RPS6KA2: variants seen among roughly 807,000 people sequenced by gnomAD.
RPS6KA2 encodes ribosomal protein S6 kinase A2, also known as ribosomal protein S6 kinase alpha-2.
A neutral mutation model predicts 91.8 loss-of-function variants in RPS6KA2; 42 were observed. That is an observed-to-expected ratio of 0.46 (90% CI 0.36 to 0.59). The LOEUF (loss-of-function observed/expected upper bound fraction) is 0.59, where lower values mean the gene tolerates loss of function less well. Among genes scored for constraint, RPS6KA2 ranks in the 20% least tolerant of loss-of-function variants. RPS6KA2 has a pLI of 0.00. For synonymous variants in RPS6KA2, 414 were observed against 393.6 expected (o/e 1.05, Z -0.61); for missense variants, 798 against 978.5 (o/e 0.82, Z 2.46).
chr6:166,755,219 C>T (rs1187388888), intron 2 of RPS6KA2, among the ~76,000 whole-genome samples: 1 of 152,188 alleles, frequency 6.6e-6, no homozygotes, highest in Non-Finnish European at 1.5e-5. Context: ...CTTCCAAGGG[C>T]AGCTTGCTGG....
chr6:166,559,985 C>T (rs1784292316), intron 1 of RPS6KA2, among the ~76,000 whole-genome samples: 1 of 152,204 alleles, frequency 6.6e-6, no homozygotes, highest in Admixed American at 6.5e-5. Flanking sequence ...AAAACATACA[C>T]ATGTGAACTT....
At chr6:166,591,591 T>A (rs1053837396) in intron 1 of RPS6KA2, among the ~76,000 whole-genome samples, 5 of 151,748 alleles carry the variant, frequency 3.3e-5, no homozygotes, top group African/African-American at 1.2e-4. Flanking sequence ...GGCCCTGAGA[T>A]GATGGAGGCA....
At chr6:166,765,657 G>A (rs1286413574) in intron 2 of RPS6KA2, among the ~76,000 whole-genome samples, 1 of 152,210 alleles carries the variant, frequency 6.6e-6, no homozygotes, top group Non-Finnish European at 1.5e-5. Flanking sequence ...GGTGTAAGAT[G>A]TGGAGCTGGC....
intron 1 of RPS6KA2, among the ~76,000 whole-genome samples, chr6:166,611,921 C>T (rs917570394): frequency 2.0e-5 from 3 of 152,222 alleles, no homozygotes; most frequent in African/African-American, 7.2e-5. Context: ...GTAGGGCACA[C>T]ACGCCCAGGA....
intron 3 of RPS6KA2, among the ~76,000 whole-genome samples, chr6:166,513,841 T>C (rs1782551259): frequency 6.6e-6 from 1 of 152,266 alleles, no homozygotes; most frequent in African/African-American, 2.4e-5. Flanking sequence ...CCCCTGGCTA[T>C]GATTTTCTCT....
rs189690991 is a variant in RPS6KA2 at position 166,617,227 on chromosome 6, A to C, written c.99+9694T>G. On this transcript the variant is annotated intron_variant, in intron 1 of 20. Coordinates refer to ENST00000265678, the MANE Select transcript of RPS6KA2 (RefSeq NM_021135.6). ...CCTATTCTAGAAGCAACAGCTTTTA[A>C]AACAAACATCCTTATTGACTTTTCC... is the stretch of plus-strand genomic sequence containing the variant. 3.3e-3 allele frequency among the ~76,000 whole-genome samples: 507 copies of C among 152,368 alleles called. 1 individual carries two copies. Among genetic ancestry groups the C allele is most frequent in the Non-Finnish European group, 4.9e-3 (332 of 68,030 alleles).
intron 1 of RPS6KA2, among the ~76,000 whole-genome samples, chr6:166,580,933 A>C (rs1784989515): frequency 6.6e-6 from 1 of 152,170 alleles, no homozygotes; most frequent in African/African-American, 2.4e-5. Flanking sequence ...ACGAAGTCTC[A>C]TTCTGTTGCC....
At chr6:166,735,122 T>C (rs1331541144) in intron 2 of RPS6KA2, among the ~76,000 whole-genome samples, 4 of 152,222 alleles carry the variant, frequency 2.6e-5, no homozygotes, top group Non-Finnish European at 5.9e-5. Flanking sequence ...GTGTCCATGC[T>C]GGAGAAGCTT....
intron 12 of RPS6KA2, among the ~76,000 whole-genome samples, chr6:166,458,515 C>A (rs943222233): frequency 1.3e-5 from 2 of 152,142 alleles, no homozygotes; most frequent in African/African-American, 4.8e-5. Context: ...AGTGTGAAAA[C>A]AGACTAATAC....
At chr6:166,602,462 C>T (rs543071990) in intron 1 of RPS6KA2, among the ~76,000 whole-genome samples, 2 of 152,298 alleles carry the variant, frequency 1.3e-5, no homozygotes, top group Admixed American at 1.3e-4. Flanking sequence ...AAGGAAACAA[C>T]AAGCATCCAG....
intron 3 of RPS6KA2, 145 bp downstream of exon 3, chr6:166,531,087 T>C: frequency 1.5e-6 from 1 of 678,004 alleles, no homozygotes; most frequent in Admixed American, 2.3e-5. Flanking sequence ...TTTATACTGT[T>C]TATTATCAAT....
intron 1 of RPS6KA2, among the ~76,000 whole-genome samples, chr6:166,565,222 A>G (rs941394132): frequency 2.0e-5 from 3 of 152,118 alleles, no homozygotes; most frequent in African/African-American, 7.2e-5. Context: ...GATTTAAGTC[A>G]CCGCCAATTC....
intron 3 of RPS6KA2, among the ~76,000 whole-genome samples, chr6:166,524,569 A>G (rs1782961680): frequency 6.6e-6 from 1 of 152,132 alleles, no homozygotes; most frequent in Non-Finnish European, 1.5e-5. Context: ...TCCTCCCCAC[A>G]TCCCTATTCA....
chr6:166,832,040 A>T lies in RPS6KA2; in HGVS notation c.123+26160T>A, dbSNP rs529918456. ...CATACATGTATAGATGATACATGAT[A>T]GATAGATAGATAGATAGATAGATAG... On this transcript the variant is annotated intron_variant, in intron 2 of 21. Coordinates refer to the RPS6KA2 transcript ENST00000503859. Among the ~76,000 whole-genome samples the T allele has an allele frequency of 2.3e-3, 251 of 107,252 alleles. 3 individuals carry two copies. The highest frequency in any genetic ancestry group is 0.01 in the African/African-American group (233 of 22,392). The allele number at this position is 107,252 out of a possible 152,430, so 70.4% of individuals were successfully genotyped here.
intron 7 of RPS6KA2, 114 bp from the exon 8 acceptor site, chr6:166,498,764 C>T: frequency 7.5e-7 from 1 of 1,331,892 alleles, no homozygotes; most frequent in South Asian, 1.3e-5. Flanking sequence ...CAGGTGGGCG[C>T]AGCAGAGCCC....
intron 1 of RPS6KA2, among the ~76,000 whole-genome samples, chr6:166,540,278 C>G (rs1301941027): frequency 6.6e-6 from 1 of 152,216 alleles, no homozygotes; most frequent in African/African-American, 2.4e-5. Context: ...TATTTTACCT[C>G]CATGTCACAA....
intron 2 of RPS6KA2, among the ~76,000 whole-genome samples, chr6:166,680,621 C>T (rs1008532423): frequency 6.6e-6 from 1 of 152,170 alleles, no homozygotes; most frequent in Non-Finnish European, 1.5e-5. Context: ...CAACTCTGGA[C>T]GTGCCAACCT....
At chr6:166,509,829 T>C (rs548145934) in intron 4 of RPS6KA2, among the ~76,000 whole-genome samples, 3 of 152,348 alleles carry the variant, frequency 2.0e-5, no homozygotes, top group African/African-American at 7.2e-5. Context: ...ATAAGCTACC[T>C]TGAATAGAAG....
At chr6:166,471,057 C>T (rs923396928) in intron 10 of RPS6KA2, among the ~76,000 whole-genome samples, 2 of 152,286 alleles carry the variant, frequency 1.3e-5, no homozygotes, top group South Asian at 4.1e-4. Context: ...GCCCGGCTCC[C>T]CTGTTCTGCA....
Sources: gnomAD v4.1 joint callset for allele counts (sites outside exome capture counted in the v4.1 genomes callset) on GRCh38, gnomAD v4.1.1 for gene constraint, MANE v1.5 for transcripts, NCBI Gene and HGNC (gene_info 2026-07-23, HGNC 2026-07-21) for gene names.